The following SLC11A2 variants were observed in gnomAD, a reference collection of about 807,000 sequenced individuals.
The protein encoded by SLC11A2 is solute carrier family 11 member 2.
SLC11A2 carries 38 observed loss-of-function variants against 68.0 expected under a neutral mutation model. The observed-to-expected ratio is 0.56, with a 90% CI of 0.43 to 0.73. SLC11A2 has a LOEUF of 0.73. SLC11A2 is among the 30% of genes least tolerant of loss of function. The pLI is 0.00. For missense variants in SLC11A2, 517 were observed against 690.5 expected (o/e 0.75, Z 2.82); for synonymous variants, 242 against 250.6 (o/e 0.97, Z 0.32).
At chr12:50,995,891 T>G (rs1472032782) in intron 9 of SLC11A2, 104 bp from the exon 10 acceptor site, 25 of 1,047,970 alleles carry the variant, frequency 2.4e-5, no homozygotes, top group Non-Finnish European at 3.1e-5. Context: ...GGACAAAAGT[T>G]GACCAGACGA....
chr12:51,027,628 A>T (rs569439106), upstream of SLC11A2, among the ~76,000 whole-genome samples: 1 of 152,192 alleles, frequency 6.6e-6, no homozygotes, highest in East Asian at 1.9e-4. Flanking sequence ...TGAAGATGAG[A>T]CTGCCAAACT....
At chr12:50,961,076 G>A in the SLC11A2 span, 1 of 1,613,894 alleles carries the variant, frequency 6.2e-7, no homozygotes, top group Admixed American at 1.7e-5. Context: ...GCTGCCCAAG[G>A]ATTTGTTGTT....
chr12:51,003,747 G>A (rs1006826551), intron 5 of SLC11A2, among the ~76,000 whole-genome samples: 1 of 137,494 alleles, frequency 7.3e-6, no homozygotes, highest in East Asian at 2.2e-4. Flanking sequence ...AGACAACATA[G>A]CAATACCTCA....
intron 15 of SLC11A2, 27 bp downstream of exon 15, chr12:50,990,768 G>A (rs762776306): frequency 3.1e-6 from 5 of 1,612,834 alleles, no homozygotes; most frequent in Non-Finnish European, 4.2e-6. Flanking sequence ...TGATACCTAT[G>A]CCCCTGCTCT....
intron 5 of SLC11A2, among the ~76,000 whole-genome samples, chr12:51,002,970 G>A (rs566459197): frequency 6.6e-6 from 1 of 151,408 alleles, no homozygotes; most frequent in East Asian, 2.0e-4. Flanking sequence ...AGGCGCAGTG[G>A]CTCACGTCTG....
intron 1 of SLC11A2, among the ~76,000 whole-genome samples, chr12:51,012,095 G>A (rs532147198): frequency 1.1e-4 from 16 of 152,196 alleles, no homozygotes; most frequent in African/African-American, 1.7e-4. Context: ...CTAGTCACCC[G>A]TGGCCCAGCC....
chr12:51,021,671 T>C (rs1005835993), intron 1 of SLC11A2, among the ~76,000 whole-genome samples: 4 of 151,878 alleles, frequency 2.6e-5, no homozygotes, highest in African/African-American at 7.3e-5. Context: ...ACACCAAGTT[T>C]GCTGTTTCTC....
intron 6 of SLC11A2, among the ~76,000 whole-genome samples, chr12:51,000,037 AAGAT>A (rs1235906953): frequency 1.3e-5 from 2 of 152,072 alleles, no homozygotes; most frequent in Non-Finnish European, 2.9e-5. Context: ...ATAAAATAAA[AAGAT>A]AGTATCTAGC....
chr12:50,990,610 A>C, intron 15 of SLC11A2, 185 bp downstream of exon 15: 1 of 616,784 alleles, frequency 1.6e-6, no homozygotes, highest in South Asian at 2.0e-5. Context: ...GAGTCTTACT[A>C]TGTTGCCCAG....
the SLC11A2 span, among the ~76,000 whole-genome samples, chr12:50,954,974 A>C: frequency 6.6e-6 from 1 of 150,652 alleles, no homozygotes; most frequent in Non-Finnish European, 1.5e-5. Context: ...TTGATGGCAA[A>C]ATAAATTCTG....
upstream of SLC11A2, chr12:51,028,543 T>A (rs12424509): frequency 0.47 from 133,930 of 282,828 alleles, 34,498 homozygotes; most frequent in Non-Finnish European, 0.56. Context: ...GTGGCAAGCC[T>A]GTGAGTGCCA....
At chr12:50,970,606 C>T in the SLC11A2 span, 1 of 711,266 alleles carries the variant, frequency 1.4e-6, no homozygotes, top group East Asian at 2.7e-5. Flanking sequence ...ACACAAGTGT[C>T]ACAGAATGCT....
chr12:51,026,272 G>A lies in SLC11A2; in HGVS notation c.-39+38C>T, dbSNP rs546854456. ...GCCCCGCGCCCCTCCCTGCCAGCGAGCGGAATGCCGTGACCCCTGACCTTG... is the reference window on the plus strand; with the variant it reads ...GCCCCGCGCCCCTCCCTGCCAGCGAACGGAATGCCGTGACCCCTGACCTTG... On this transcript the variant is annotated intron_variant, in intron 1 of 15. Coordinates refer to ENST00000262052, the MANE Select transcript of SLC11A2 (RefSeq NM_000617.3). 15 of 1,210,708 alleles carry A rather than the reference G, an allele frequency of 1.2e-5. No individual in the cohort carries two copies. In the African/African-American group the frequency reaches 2.4e-4, roughly 19 times the overall value. The allele number at this position is 1,210,708 out of a possible 1,614,324, so 75.0% of individuals were successfully genotyped here. A position where few individuals can be genotyped will look rare whatever the true frequency, so the allele number is the denominator to read the frequency against.
intron 12 of SLC11A2, 44 bp downstream of exon 12, chr12:50,992,766 C>G: frequency 2.7e-6 from 4 of 1,459,100 alleles, no homozygotes; most frequent in Non-Finnish European, 3.8e-6. Context: ...GAAGAAGTAA[C>G]AAAAGGGTTG....
At chr12:51,006,796 T>G (rs1942767916) in intron 3 of SLC11A2, among the ~76,000 whole-genome samples, 1 of 152,136 alleles carries the variant, frequency 6.6e-6, no homozygotes, top group South Asian at 2.1e-4. Flanking sequence ...AGAGACAGGG[T>G]TTTGCCATGT....
chr12:50,995,496 G>T, intron 10 of SLC11A2, 133 bp downstream of exon 10: 3 of 931,652 alleles, frequency 3.2e-6, no homozygotes, highest in Non-Finnish European at 3.4e-6. Flanking sequence ...AGTGATTTTG[G>T]GGGGCAGACG....
At chr12:50,996,204 C>T (rs1258597105) in intron 9 of SLC11A2, among the ~76,000 whole-genome samples, 1 of 152,186 alleles carries the variant, frequency 6.6e-6, no homozygotes, top group Non-Finnish European at 1.5e-5. Flanking sequence ...CTCCTTTACT[C>T]CTGACCTCCA....
chr12:50,969,281 G>C, the SLC11A2 span, among the ~76,000 whole-genome samples: 2 of 151,588 alleles, frequency 1.3e-5, no homozygotes, highest in African/African-American at 4.8e-5. Flanking sequence ...GCAAGACAGA[G>C]AGACCCCATC....
chr12:51,005,288 C>G, intron 4 of SLC11A2, 23 bp downstream of exon 4: 1 of 1,613,184 alleles, frequency 6.2e-7, no homozygotes, highest in Non-Finnish European at 8.5e-7. Flanking sequence ...CTTAAAAGGA[C>G]AGGGGTAGGA....
Sources: gnomAD v4.1 joint callset for allele counts (sites outside exome capture counted in the v4.1 genomes callset) on GRCh38, gnomAD v4.1.1 for gene constraint, MANE v1.5 for transcripts, NCBI Gene and HGNC (gene_info 2026-07-23, HGNC 2026-07-21) for gene names.